Variants in GCA observed in about 807,000 individuals in gnomAD.
The protein encoded by GCA is grancalcin, EF-hand calcium-binding protein.
In GCA, 30 loss-of-function variants were observed where a neutral mutation model predicts 32.6. That is an observed-to-expected ratio of 0.92 (90% CI 0.69 to 1.25). The LOEUF is 1.25. Ranked by LOEUF, GCA falls within the 50% of genes most tolerant of loss-of-function variation. GCA has a pLI of 0.00. For missense variants in GCA, 291 were observed against 266.8 expected, an observed-to-expected ratio of 1.09 and a Z score of -0.63; for synonymous variants, 102 against 84.6, an observed-to-expected ratio of 1.21 and a Z score of -1.13.
chr2:162,350,226 T>C (rs1684922819), intron 2 of GCA, among the ~76,000 whole-genome samples: 1 of 152,174 alleles, frequency 6.6e-6, no homozygotes, highest in South Asian at 2.1e-4. Context: ...TGGCTGTGGC[T>C]GTTTTTGCCC....
Position 162,356,771 on chromosome 2 carries a change from G to A in GCA, c.320G>A (p.Gly107Glu). The change falls in exon 5 of 8, where the codon GGA becomes GAA. Residue 107 changes from glycine (G) to glutamate (E), a missense_variant. Gly to Glu is a moderately conservative substitution (Grantham distance 98, BLOSUM62 -2). Coordinates refer to ENST00000437150, the MANE Select transcript of GCA (RefSeq NM_012198.5). Reference protein sequence around the residue: ...MIAMLDRDHTGKMGFNAFKEL... With the variant: ...MIAMLDRDHTEKMGFNAFKEL... Reference sequence around the variant, plus strand: ...TAAAACTATCAGAGAGATCACACAGGAAAAATGGGATTTAATGCATTCAAA... The same window carrying A: ...TAAAACTATCAGAGAGATCACACAGAAAAAATGGGATTTAATGCATTCAAA... The A allele has an allele frequency of 6.2e-7, 1 of 1,605,980 alleles. No individual in the cohort carries two copies. The highest frequency in any genetic ancestry group is 8.5e-7 in the Non-Finnish European group (1 of 1,175,040).
intron 2 of GCA, 39 bp from the exon 3 acceptor site, chr2:162,352,299 A>T (rs780002924): frequency 8.6e-7 from 1 of 1,162,216 alleles, no homozygotes; most frequent in African/African-American, 1.5e-5. Flanking sequence ...GCTTTTATAC[A>T]ACTGCACATT....
chr2:162,331,597 A>G (rs2105274429), intron 1 of GCA, among the ~76,000 whole-genome samples: 1 of 152,336 alleles, frequency 6.6e-6, no homozygotes, highest in South Asian at 2.1e-4. Flanking sequence ...ATGTCAAGAA[A>G]TAGCATTCAT....
downstream of GCA, among the ~76,000 whole-genome samples, chr2:162,366,134 T>C (rs531360100): frequency 6.6e-6 from 1 of 151,908 alleles, no homozygotes; most frequent in South Asian, 2.1e-4. Flanking sequence ...AAAACATAAA[T>C]TAATGGAAGT....
Position 162,356,846 on chromosome 2 carries a change from A to T in GCA, c.395A>T (p.Asp132Val), listed in dbSNP as rs755886900. The T allele has an allele frequency of 6.2e-7, 1 of 1,610,618 alleles. No homozygotes were observed. The highest frequency in any genetic ancestry group is 2.2e-5 in the East Asian group (1 of 44,812). The change falls in exon 5 of 8, where the codon GAT becomes GTT. Residue 132 changes from aspartate to valine, a missense_variant. Physicochemically the swap from Asp to Val is radical, Grantham distance 152. Transcript: ENST00000437150. ...TGGAAGGAAAACTTCATGACTGTTG[A>T]TCAAGATGGAAGTGGCACAGTAGAA... ...NAWKENFMTV[D>V]QDGSGTVEHH...
chr2:162,336,726 ATAAT>A (rs1409329090), intron 1 of GCA, among the ~76,000 whole-genome samples: 3 of 152,230 alleles, frequency 2.0e-5, no homozygotes, highest in African/African-American at 7.2e-5. Context: ...ATCATTCAGT[ATAAT>A]TACTCTATAA....
At chr2:162,346,676 A>G (rs992745724) in intron 1 of GCA, 3 of 152,228 alleles carry the variant, frequency 2.0e-5, no homozygotes, top group Non-Finnish European at 4.4e-5. Context: ...GTTCATCCCT[A>G]AACACGGTTT....
At chr2:162,373,928 C>A (rs1313129712), downstream of GCA, among the ~76,000 whole-genome samples, 1 of 152,082 alleles carries the variant, frequency 6.6e-6, no homozygotes, top group Non-Finnish European at 1.5e-5. Context: ...TGTTTACTAA[C>A]CTTCATTGAT....
intron 6 of GCA, 139 bp downstream of exon 6, chr2:162,359,296 T>C: frequency 1.5e-6 from 1 of 647,308 alleles, no homozygotes; most frequent in Non-Finnish European, 2.7e-6. Flanking sequence ...GTTTAAAGGC[T>C]TCAAATATTA....
intron 1 of GCA, among the ~76,000 whole-genome samples, chr2:162,333,871 T>C (rs1430724821): frequency 6.6e-6 from 1 of 152,210 alleles, no homozygotes; most frequent in African/African-American, 2.4e-5. Flanking sequence ...TTAATAATTG[T>C]GGAACACCCA....
At chr2:162,354,495 G>C (rs1685160725) in intron 3 of GCA, among the ~76,000 whole-genome samples, 1 of 152,110 alleles carries the variant, frequency 6.6e-6, no homozygotes, top group Middle Eastern at 3.2e-3. Context: ...ATTTCTGCTG[G>C]GTTGGAAGTA....
intron 5 of GCA, among the ~76,000 whole-genome samples, chr2:162,358,040 ATACCTTTC>A (rs1214355001): frequency 4.0e-5 from 6 of 151,628 alleles, no homozygotes; most frequent in African/African-American, 7.2e-5. Context: ...CTTTCAATTT[ATACCTTTC>A]CCACATTACA....
At chr2:162,358,406 TTCTC>T (rs1220452676) in intron 5 of GCA, among the ~76,000 whole-genome samples, 12 of 151,446 alleles carry the variant, frequency 7.9e-5, no homozygotes, top group Admixed American at 4.6e-4. Flanking sequence ...AAAAACTTCT[TTCTC>T]ATTGATATAA....
chr2:162,344,720 C>G (rs1384983264), intron 1 of GCA, among the ~76,000 whole-genome samples: 1 of 151,068 alleles, frequency 6.6e-6, no homozygotes, highest in Admixed American at 6.6e-5. Flanking sequence ...AACTCCTAAT[C>G]TTTACTGTTA....
Position 162,356,789 on chromosome 2 carries a change from C to T in GCA, c.338C>T (p.Ala113Val). ...CACACAGGAAAAATGGGATTTAATGCATTCAAAGAGCTATGGGCAGCTCTT... is the reference window on the plus strand; with the variant it reads ...CACACAGGAAAAATGGGATTTAATGTATTCAAAGAGCTATGGGCAGCTCTT... Reference protein sequence around the residue: ...RDHTGKMGFNAFKELWAALNA... With the variant: ...RDHTGKMGFNVFKELWAALNA... The change falls in exon 5 of 8, where the codon GCA becomes GTA. Residue 113 changes from alanine (A) to valine (V), a missense_variant. Coordinates refer to ENST00000437150, the MANE Select transcript of GCA (RefSeq NM_012198.5). 6.2e-7 allele frequency: 1 copy of T among 1,607,498 alleles called. No individual in the cohort carries two copies. The highest frequency in any genetic ancestry group is 8.5e-7 in the Non-Finnish European group (1 of 1,175,340).
chr2:162,363,960 C>T (rs1052731483), downstream of GCA, among the ~76,000 whole-genome samples: 1 of 151,394 alleles, frequency 6.6e-6, no homozygotes, highest in African/African-American at 2.4e-5. Flanking sequence ...GAAGCTGTTT[C>T]CCTATGTGCT....
At chr2:162,354,269 C>A (rs971887842) in intron 3 of GCA, among the ~76,000 whole-genome samples, 1 of 152,098 alleles carries the variant, frequency 6.6e-6, no homozygotes, top group African/African-American at 2.4e-5. Context: ...TTTGGCTGGG[C>A]AGTTTTGTCT....
intron 2 of GCA, among the ~76,000 whole-genome samples, chr2:162,349,967 T>G (rs1339922794): frequency 1.3e-5 from 2 of 152,214 alleles, no homozygotes; most frequent in Non-Finnish European, 2.9e-5. Flanking sequence ...TTTCTAGGAT[T>G]AGACAATATA....
chr2:162,344,419 G>GGGGGCC, intron 1 of GCA, 144 bp downstream of exon 1: 1 of 747,328 alleles, frequency 1.3e-6, no homozygotes, highest in Non-Finnish European at 2.3e-6. Context: ...CGGGGCTGTT[G>GGGGGCC]GGGGCCAGGG....
Sources: allele counts gnomAD v4.1 joint callset (sites outside exome capture counted in the v4.1 genomes callset), GRCh38; gene constraint gnomAD v4.1.1; transcripts MANE v1.5; gene names NCBI Gene and HGNC (gene_info 2026-07-23, HGNC 2026-07-21).